CFAP46: variants seen among roughly 807,000 people sequenced by gnomAD.
CFAP46 encodes the protein cilia- and flagella-associated protein 46.
Under a neutral mutation model 325.7 loss-of-function variants are expected in CFAP46, and 245 were observed. The observed-to-expected ratio is 0.75, with a 90% confidence interval of 0.68 to 0.84. The LOEUF (loss-of-function observed/expected upper bound fraction) is 0.84, where lower values mean the gene tolerates loss of function less well. CFAP46 is among the 40% of genes least tolerant of loss of function. CFAP46 has a pLI of 0.00. For missense variants in CFAP46, 3,346 were observed against 3,543.0 expected, an observed-to-expected ratio of 0.94 and a Z score of 1.41; for synonymous variants, 1,523 against 1,495.9, an observed-to-expected ratio of 1.02 and a Z score of -0.42.
At position 132,899,139 on chromosome 10, in the gene CFAP46, A is replaced by G. The variant is rs1224607076; in HGVS notation, c.3057-18T>C. On this transcript the variant is annotated intron_variant, in intron 23 of 57. Coordinates refer to ENST00000368586, the MANE Select transcript of CFAP46 (RefSeq NM_001200049.3). ...CTCCGAACCTAAAAGAGGGCAGGTC[A>G]TGACGCGGTGGCTCCACCTGGGCCC... is the stretch of plus-strand genomic sequence containing the variant. 6.5e-7 allele frequency: 1 copy of G among 1,542,634 alleles called. No homozygotes were observed. Among genetic ancestry groups the G allele is most frequent in the East Asian group, 2.5e-5 (1 of 40,810 alleles).
intron 50 of CFAP46, among the ~76,000 whole-genome samples, chr10:132,831,712 G>A (rs1016260484): frequency 4.6e-5 from 7 of 152,110 alleles, no homozygotes; most frequent in African/African-American, 1.7e-4. Flanking sequence ...AGTTGGGGGT[G>A]TTTAGACACT....
chr10:132,810,315 C>T (rs1847552665), intron 57 of CFAP46, 94 bp downstream of exon 57: 3 of 1,049,328 alleles, frequency 2.9e-6, no homozygotes, highest in Admixed American at 1.7e-5. Flanking sequence ...AGCGGAGACA[C>T]CTGTCCCTGC....
intron 50 of CFAP46, among the ~76,000 whole-genome samples, chr10:132,825,666 C>G (rs1430591046): frequency 6.6e-6 from 1 of 152,082 alleles, no homozygotes; most frequent in African/African-American, 2.4e-5. Flanking sequence ...ATCAAAAGAC[C>G]CATTTAAGAG....
At chr10:132,922,920 G>C (rs10870207) in intron 11 of CFAP46, among the ~76,000 whole-genome samples, 23,327 of 152,258 alleles carry the variant, frequency 0.15, 2,356 homozygotes, top group African/African-American at 0.29. Flanking sequence ...CCTGCAGACC[G>C]CAGAGGCCTC....
chr10:132,883,585 C>T (rs927198071), intron 27 of CFAP46, among the ~76,000 whole-genome samples: 3 of 152,228 alleles, frequency 2.0e-5, no homozygotes, highest in Non-Finnish European at 4.4e-5. Flanking sequence ...CCACACAGGG[C>T]GACCGTGTGC....
intron 50 of CFAP46, among the ~76,000 whole-genome samples, chr10:132,818,098 C>T (rs1015227204): frequency 6.6e-6 from 1 of 152,232 alleles, no homozygotes; most frequent in Non-Finnish European, 1.5e-5. Context: ...GGCTCACAGG[C>T]ACCCCTGGGC....
At chr10:132,864,359 C>T (rs1195553937) in intron 35 of CFAP46, among the ~76,000 whole-genome samples, 1 of 121,394 alleles carries the variant, frequency 8.2e-6, no homozygotes, top group Admixed American at 8.0e-5. Context: ...CTGAGACCTG[C>T]ACACACCTGT....
chr10:132,882,460 C>T (rs1374425390), intron 27 of CFAP46, among the ~76,000 whole-genome samples: 1 of 151,662 alleles, frequency 6.6e-6, no homozygotes, highest in African/African-American at 2.4e-5. Flanking sequence ...GGTGTAAGTC[C>T]AGCCACCGGA....
At chr10:132,823,756 CTG>C (rs1262066978) in intron 50 of CFAP46, among the ~76,000 whole-genome samples, 5 of 96,718 alleles carry the variant, frequency 5.2e-5, no homozygotes, top group Admixed American at 4.1e-4. Context: ...CTGATGTGTG[CTG>C]TGTGTGTGCT....
At chr10:132,831,032 T>G (rs896853437) in intron 50 of CFAP46, among the ~76,000 whole-genome samples, 2 of 152,230 alleles carry the variant, frequency 1.3e-5, no homozygotes, top group Non-Finnish European at 2.9e-5. Flanking sequence ...AATTTCTTCT[T>G]TTATCCGTGG....
At chr10:132,845,676 A>C (rs73391254) in intron 44 of CFAP46, among the ~76,000 whole-genome samples, 10,797 of 152,336 alleles carry the variant, frequency 0.071, 953 homozygotes, top group African/African-American at 0.21. Context: ...TTGAACCCTT[A>C]GACCTGACCA....
chr10:132,867,479 C>T lies in CFAP46; in HGVS notation c.4639G>A (p.Glu1547Lys), dbSNP rs1848833067. 1 of 1,550,314 alleles carries T rather than the reference C, an allele frequency of 6.5e-7. No homozygotes were observed. The highest frequency in any genetic ancestry group is 8.7e-7 in the Non-Finnish European group (1 of 1,146,956). ...TCTAATAAAGGCTCCTTATTTTTCT[C>T]TTTTTTCAACGCGATCTCTTTTCTG... The part of the protein sequence containing the change: ...SCRKEIALKK[E>K]KNKEPLLEES... Residue 1547 changes from glutamate (E) to lysine (K), a missense_variant, in exon 34 of 58, where the codon GAG becomes AAG. Coordinates refer to ENST00000368586, the MANE Select transcript of CFAP46 (RefSeq NM_001200049.3).
Position 132,817,449 on chromosome 10 carries a change from T to C in CFAP46, c.7118-2535A>G, listed in dbSNP as rs1041885267. Among the ~76,000 whole-genome samples, 1 of 152,214 alleles carries C rather than the reference T, an allele frequency of 6.6e-6. No homozygotes were observed. Among genetic ancestry groups the C allele is most frequent in the African/African-American group, 2.4e-5 (1 of 41,464 alleles). On this transcript the variant is annotated intron_variant, in intron 50 of 57. Coordinates refer to ENST00000368586, the MANE Select transcript of CFAP46 (RefSeq NM_001200049.3). The surrounding 1 kb of genome is among the most constrained non-coding windows in gnomAD (Gnocchi z 4.4). The stretch of plus-strand genomic sequence containing the variant: ...AATTTTCTTTTTTTGATATATGACA[T>C]AAATGGGCCAACTTCTACCATCTTA...
intron 8 of CFAP46, among the ~76,000 whole-genome samples, chr10:132,933,398 C>G (rs1849944159): frequency 6.6e-6 from 1 of 152,246 alleles, no homozygotes; most frequent in Non-Finnish European, 1.5e-5. Context: ...TACACTGGTC[C>G]CAAGACCTCT....
At chr10:132,898,561 A>C in intron 24 of CFAP46, 1 of 322,246 alleles carries the variant, frequency 3.1e-6, no homozygotes, top group South Asian at 2.6e-5. Context: ...CCTGTGGCCC[A>C]GCCCCCGCCC....
chr10:132,876,565 C>T lies in CFAP46; in HGVS notation c.4362+247G>A, dbSNP rs556318993. ...TGCGGTTGTGGGAGCTTGTCATGAACACCTGTCCTGTCTCACTAGGTACGT... is the reference window on the plus strand; with the variant it reads ...TGCGGTTGTGGGAGCTTGTCATGAATACCTGTCCTGTCTCACTAGGTACGT... On this transcript the variant is annotated intron_variant, in intron 31 of 57. Coordinates refer to ENST00000368586, the MANE Select transcript of CFAP46 (RefSeq NM_001200049.3). The surrounding 1 kb of genome is among the most constrained non-coding windows in gnomAD (Gnocchi z 4.1). Among the ~76,000 whole-genome samples, 16 of 152,308 alleles carry T rather than the reference C, an allele frequency of 1.1e-4. 1 individual carries two copies. The South Asian group carries it at 3.3e-3, about 32-fold the overall frequency.
At chr10:132,933,643 C>T (rs568279241) in intron 8 of CFAP46, among the ~76,000 whole-genome samples, 20 of 152,378 alleles carry the variant, frequency 1.3e-4, no homozygotes, top group South Asian at 1.2e-3. Context: ...AGCCACCCTG[C>T]GGTCCTGGGG....
intron 2 of CFAP46, 105 bp downstream of exon 2, chr10:132,941,875 C>A: frequency 6.6e-7 from 1 of 1,509,222 alleles, no homozygotes; most frequent in South Asian, 1.3e-5. Flanking sequence ...ACTGCCCGGC[C>A]AGGAGCTGCC....
At position 132,817,198 on chromosome 10, in the gene CFAP46, C is replaced by A. The variant is rs192634902; in HGVS notation, c.7118-2284G>T. Reference sequence around the variant, plus strand: ...AGGCTATTTCATACCTCTGAGGAGGCGAACTTTCGATTCTCATGATGTCCA... The same window carrying A: ...AGGCTATTTCATACCTCTGAGGAGGAGAACTTTCGATTCTCATGATGTCCA... On this transcript the variant is annotated intron_variant, in intron 50 of 57. Coordinates refer to ENST00000368586, the MANE Select transcript of CFAP46 (RefSeq NM_001200049.3). The surrounding 1 kb of genome is among the most constrained non-coding windows in gnomAD (Gnocchi z 4.4). Among the ~76,000 whole-genome samples, 3 of 152,156 alleles carry A rather than the reference C, an allele frequency of 2.0e-5. No individual in the cohort carries two copies. The highest frequency in any genetic ancestry group is 7.2e-5 in the African/African-American group (3 of 41,432).
Sources: allele counts gnomAD v4.1 joint callset (sites outside exome capture counted in the v4.1 genomes callset), GRCh38; gene constraint gnomAD v4.1.1; non-coding constraint Gnocchi (gnomAD v3.1); transcripts MANE v1.5; gene names NCBI Gene and HGNC (gene_info 2026-07-23, HGNC 2026-07-21).